MYO18B: variants seen among roughly 807,000 people sequenced by gnomAD.
MYO18B encodes the protein unconventional myosin-XVIIIb.
In MYO18B, 204 loss-of-function variants were observed where a neutral mutation model predicts 273.0. The observed-to-expected ratio is 0.75, with a 90% CI of 0.67 to 0.84. The LOEUF (loss-of-function observed/expected upper bound fraction) is 0.84. Among genes scored for constraint, MYO18B ranks in the 40% least tolerant of loss-of-function variants. The pLI is 0.00. For missense variants in MYO18B, 3,212 were observed against 3,287.6 expected (o/e 0.98, Z 0.56); for synonymous variants, 1,330 against 1,305.7 (o/e 1.02, Z -0.40).
chr22:26,039,589 C>T, the MYO18B span, among the ~76,000 whole-genome samples: 1 of 151,668 alleles, frequency 6.6e-6, no homozygotes, highest in South Asian at 2.1e-4. Flanking sequence ...ACCTGTGCCT[C>T]CCTCTGTTTT....
At chr22:25,843,101 T>TA (rs2090133421) in intron 17 of MYO18B, among the ~76,000 whole-genome samples, 2 of 152,282 alleles carry the variant, frequency 1.3e-5, no homozygotes, top group South Asian at 2.1e-4. Flanking sequence ...CTCAGAGACT[T>TA]ACGGGGCTTG....
chr22:25,956,080 G>A (rs776783594), intron 39 of MYO18B, among the ~76,000 whole-genome samples: 5 of 152,172 alleles, frequency 3.3e-5, no homozygotes, highest in Admixed American at 3.3e-4. Flanking sequence ...TTGCCAAATT[G>A]AGGCTCCGAA....
Position 25,839,020 on chromosome 22 carries a change from CTG to C in MYO18B, c.3208+3585_3208+3586del, listed in dbSNP as rs761527755. Among the ~76,000 whole-genome samples, 4 of 147,510 alleles carry C rather than the reference CTG, an allele frequency of 2.7e-5. No homozygotes were observed. In the East Asian group the frequency reaches 6.0e-4, roughly 22 times the overall value. ...CCTGTGTGTATATGTGTGTGTGCAC[CTG>C]TGTGTGTATGTATGAGTGTATACAT... On this transcript the variant is annotated intron_variant, in intron 17 of 43. Transcript: ENST00000335473.
In MYO18B at chr22:25,874,267, A is replaced by C. The variant is rs778189419; in HGVS notation, c.3952-19A>C. ...CCTTCTTCAGCAGAGGACTCACCTGAAACCTTCCCTCTCCCCAGGTTTTTC... is the reference window on the plus strand; with the variant it reads ...CCTTCTTCAGCAGAGGACTCACCTGCAACCTTCCCTCTCCCCAGGTTTTTC... On this transcript the variant is annotated intron_variant, in intron 22 of 43. Transcript: ENST00000335473. The C allele has an allele frequency of 6.2e-7, 1 of 1,613,316 alleles. No homozygotes were observed. The highest frequency in any genetic ancestry group is 8.5e-7 in the Non-Finnish European group (1 of 1,179,714).
intron 1 of MYO18B, among the ~76,000 whole-genome samples, chr22:25,754,532 C>A (rs1302704472): frequency 6.6e-6 from 1 of 152,184 alleles, no homozygotes; most frequent in Non-Finnish European, 1.5e-5. Context: ...TTCAAGTCAT[C>A]TCCTGGCTTT....
chr22:26,039,895 A>C, the MYO18B span, among the ~76,000 whole-genome samples: 11 of 151,886 alleles, frequency 7.2e-5, no homozygotes, highest in African/African-American at 2.7e-4. Context: ...CATGATCTCA[A>C]CTCATTGCAG....
intron 1 of MYO18B, among the ~76,000 whole-genome samples, chr22:25,755,321 C>T (rs2086079326): frequency 6.6e-6 from 1 of 152,198 alleles, no homozygotes; most frequent in Admixed American, 6.5e-5. Context: ...ATTCTCCTGC[C>T]TCAGCCTCTC....
intron 25 of MYO18B, among the ~76,000 whole-genome samples, chr22:25,885,360 T>C (rs1162526759): frequency 2.0e-5 from 3 of 152,202 alleles, no homozygotes; most frequent in Admixed American, 2.0e-4. Context: ...CAGACTGTGA[T>C]TGAGGAGAAG....
chr22:25,757,382 G>T (rs1370913806), intron 1 of MYO18B, among the ~76,000 whole-genome samples: 1 of 152,114 alleles, frequency 6.6e-6, no homozygotes, highest in East Asian at 1.9e-4. Flanking sequence ...CGGATCACAA[G>T]GTCAGGAGTT....
At chr22:25,766,264 A>T (rs148993775) in intron 3 of MYO18B, among the ~76,000 whole-genome samples, 1 of 152,058 alleles carries the variant, frequency 6.6e-6, no homozygotes, top group East Asian at 1.9e-4. Flanking sequence ...GAATGGGGAG[A>T]AGTTCAGAAT....
chr22:25,937,814 A>C (rs113841226), intron 34 of MYO18B, among the ~76,000 whole-genome samples: 155 of 151,472 alleles, frequency 1.0e-3, no homozygotes, highest in African/African-American at 3.3e-3. Flanking sequence ...TGAACTCCTG[A>C]CCTCAGGTGA....
chr22:26,020,802 T>TG (rs1443832336), intron 42 of MYO18B, among the ~76,000 whole-genome samples: 2 of 152,228 alleles, frequency 1.3e-5, no homozygotes, highest in Non-Finnish European at 2.9e-5. Context: ...AAAAGATAAC[T>TG]GGGGGCCCGG....
At chr22:25,879,595 G>A (rs904046345) in intron 25 of MYO18B, among the ~76,000 whole-genome samples, 4 of 152,120 alleles carry the variant, frequency 2.6e-5, no homozygotes, top group African/African-American at 9.7e-5. Flanking sequence ...GATTTCATGG[G>A]CTGGGGGTGA....
intron 22 of MYO18B, among the ~76,000 whole-genome samples, chr22:25,869,382 G>A (rs796447064): frequency 4.1e-5 from 6 of 147,734 alleles, no homozygotes; most frequent in African/African-American, 1.0e-4. Flanking sequence ...CCCGGGAGGC[G>A]AAGGTTGCGG....
At chr22:26,006,894 A>G (rs959156725) in intron 42 of MYO18B, among the ~76,000 whole-genome samples, 1 of 152,196 alleles carries the variant, frequency 6.6e-6, no homozygotes, top group Non-Finnish European at 1.5e-5. Flanking sequence ...TTCACTGTCT[A>G]TCTTCATGTT....
intron 25 of MYO18B, among the ~76,000 whole-genome samples, chr22:25,879,601 G>A (rs2091285444): frequency 6.6e-6 from 1 of 152,038 alleles, no homozygotes; most frequent in African/African-American, 2.4e-5. Context: ...ATGGGCTGGG[G>A]GTGACTACAT....
At chr22:25,832,729 A>G (rs2089754784) in intron 15 of MYO18B, among the ~76,000 whole-genome samples, 188 bp from the exon 16 acceptor site, 1 of 152,190 alleles carries the variant, frequency 6.6e-6, no homozygotes, top group South Asian at 2.1e-4. Context: ...TATACCACTG[A>G]AATGTATACT....
At chr22:25,950,045 C>G (rs61332422) in intron 36 of MYO18B, among the ~76,000 whole-genome samples, 2 of 152,256 alleles carry the variant, frequency 1.3e-5, no homozygotes, top group African/African-American at 4.8e-5. Context: ...AATGACCCTC[C>G]GAGTAGCTCT....
intron 25 of MYO18B, among the ~76,000 whole-genome samples, chr22:25,887,328 C>A (rs898493627): frequency 6.6e-6 from 1 of 152,126 alleles, no homozygotes. Context: ...ATTTAACATC[C>A]GTGAAATCCC....
Sources: allele counts gnomAD v4.1 joint callset (sites outside exome capture counted in the v4.1 genomes callset), GRCh38; gene constraint gnomAD v4.1.1; transcripts MANE v1.5; gene names NCBI Gene and HGNC (gene_info 2026-07-23, HGNC 2026-07-21).